TAB2: variants seen among roughly 807,000 people sequenced by gnomAD.
TAB2 encodes TGF-beta activated kinase 1 (MAP3K7) binding protein 2.
A neutral mutation model predicts 65.0 loss-of-function variants in TAB2; 3 were observed. The ratio of observed to expected loss-of-function variants is 0.05; its 90% CI spans 0.02 to 0.12. TAB2 has a LOEUF of 0.12. TAB2 is among the 10% of genes least tolerant of loss of function. TAB2 has a pLI of 1.00. For synonymous variants in TAB2, 298 were observed against 285.1 expected, an observed-to-expected ratio of 1.05 and a Z score of -0.46; for missense variants, 623 against 840.3, an observed-to-expected ratio of 0.74 and a Z score of 3.20.
chr6:149,220,374 G>A lies in TAB2; in HGVS notation c.-121+1598G>A, dbSNP rs533569091. Among the ~76,000 whole-genome samples the A allele has an allele frequency of 8.6e-4, 131 of 152,202 alleles. 1 individual carries two copies. Among genetic ancestry groups the A allele is most frequent in the African/African-American group, 3.0e-3 (125 of 41,526 alleles). On this transcript the variant is annotated intron_variant, in intron 1 of 1. Transcript: ENST00000606202. ...AATTCATTATCAATGAACTTTTCCTGCTCTGTTACTTTAAACTCCATTGGA... is the reference window on the plus strand; with the variant it reads ...AATTCATTATCAATGAACTTTTCCTACTCTGTTACTTTAAACTCCATTGGA...
chr6:149,399,343 T>A (rs1782287004), intron 6 of TAB2, among the ~76,000 whole-genome samples, 159 bp downstream of exon 6: 1 of 152,214 alleles, frequency 6.6e-6, no homozygotes, highest in African/African-American at 2.4e-5. Context: ...ATTTACATGC[T>A]TGGGGTTGGG....
At chr6:149,229,846 G>A (rs1313199884) in intron 1 of TAB2, 3 of 152,346 alleles carry the variant, frequency 2.0e-5, no homozygotes, top group East Asian at 3.9e-4. Flanking sequence ...ATTGAGCAGA[G>A]TGCTGTCGAG....
At chr6:149,278,346 G>A (rs1360438552) in intron 1 of TAB2, among the ~76,000 whole-genome samples, 2 of 152,110 alleles carry the variant, frequency 1.3e-5, no homozygotes, top group Admixed American at 6.6e-5. Flanking sequence ...GTTTTAGGCT[G>A]TAAATATAAA....
At chr6:149,346,439 T>C (rs1040178800) in intron 1 of TAB2, 2 of 142,962 alleles carry the variant, frequency 1.4e-5, no homozygotes, top group African/African-American at 5.2e-5. Flanking sequence ...ATCAGATCAG[T>C]TGGTGAAACT....
At chr6:149,328,663 T>C (rs1020638286) in intron 1 of TAB2, among the ~76,000 whole-genome samples, 3 of 152,198 alleles carry the variant, frequency 2.0e-5, no homozygotes, top group Admixed American at 1.3e-4. Context: ...GCCTGTACTT[T>C]GCTAGGTCAA....
At chr6:149,290,575 G>A (rs1378853443) in intron 1 of TAB2, among the ~76,000 whole-genome samples, 3 of 152,168 alleles carry the variant, frequency 2.0e-5, no homozygotes, top group African/African-American at 7.2e-5. Context: ...TGGGCATGGT[G>A]GCTCACGCCT....
At chr6:149,295,642 G>A (rs994291486) in intron 1 of TAB2, among the ~76,000 whole-genome samples, 4 of 152,106 alleles carry the variant, frequency 2.6e-5, no homozygotes, top group Non-Finnish European at 4.4e-5. Flanking sequence ...TGCCTCTAAT[G>A]TTAAAACTAT....
At chr6:149,348,685 C>T (rs922672087) in intron 1 of TAB2, among the ~76,000 whole-genome samples, 3 of 151,748 alleles carry the variant, frequency 2.0e-5, no homozygotes, top group Admixed American at 6.6e-5. Flanking sequence ...AAGATAAGGC[C>T]GGGCGCAGTG....
Position 149,378,115 on chromosome 6 carries a change from G to A in TAB2, c.200G>A (p.Gly67Glu). Reference sequence around the variant, plus strand: ...GACTTGAATTTTTCAGATGATTCTGGAATTTCTGGTCTACGCAATCACATG... The same window carrying A: ...GACTTGAATTTTTCAGATGATTCTGAAATTTCTGGTCTACGCAATCACATG... ...EGDLNFSDDS[G>E]ISGLRNHMTS... The change falls in exon 3 of 7, where the codon GGA becomes GAA. Residue 67 changes from glycine (G) to glutamate (E), a missense_variant. This residue lies in a region of TAB2 where 550 missense variants were observed against 665.7 expected (regional missense o/e 0.83). Transcript: ENST00000637181. The A allele has an allele frequency of 6.2e-7, 1 of 1,614,110 alleles. No individual in the cohort carries two copies.
At chr6:149,350,235 A>G (rs1285621381) in intron 1 of TAB2, among the ~76,000 whole-genome samples, 1 of 152,060 alleles carries the variant, frequency 6.6e-6, no homozygotes, top group African/African-American at 2.4e-5. Context: ...CCCGGCTGGA[A>G]TTAATATTTC....
chr6:149,227,325 C>T (rs947427175), intron 1 of TAB2, among the ~76,000 whole-genome samples: 1 of 152,148 alleles, frequency 6.6e-6, no homozygotes, highest in Non-Finnish European at 1.5e-5. Flanking sequence ...CTAACTACAA[C>T]CTTCAGAGTC....
At chr6:149,356,285 G>A (rs1199604881) in intron 1 of TAB2, among the ~76,000 whole-genome samples, 2 of 152,166 alleles carry the variant, frequency 1.3e-5, no homozygotes, top group East Asian at 3.8e-4. Flanking sequence ...ACTAAAATTG[G>A]GGGTTAACTG....
chr6:149,334,035 C>T (rs1412887996), intron 1 of TAB2, among the ~76,000 whole-genome samples: 9 of 151,970 alleles, frequency 5.9e-5, no homozygotes. Flanking sequence ...TGACCTAGTG[C>T]CTAGCACTTA....
Position 149,333,950 on chromosome 6 carries a change from C to CT in TAB2, c.-90+15936dup, listed in dbSNP as rs138982767. 4.8e-3 allele frequency among the ~76,000 whole-genome samples: 736 copies of CT among 152,284 alleles called. 8 individuals are homozygous for CT. The highest frequency in any genetic ancestry group is 0.017 in the African/African-American group (686 of 41,552). ...CTAGTAGGACAAACTGTGTAGTTAA[C>CT]TGAGTCTCGTATAGAGGTGCCTGCC... On this transcript the variant is annotated intron_variant, in intron 1 of 6. Coordinates refer to ENST00000637181, the MANE Select transcript of TAB2 (RefSeq NM_001292034.3).
At chr6:149,276,286 G>C (rs1333542732) in intron 1 of TAB2, among the ~76,000 whole-genome samples, 3 of 152,140 alleles carry the variant, frequency 2.0e-5, no homozygotes, top group Non-Finnish European at 2.9e-5. Flanking sequence ...ATAGCTTAGT[G>C]GTAATAATGT....
intron 1 of TAB2, among the ~76,000 whole-genome samples, chr6:149,268,445 T>C (rs1032047203): frequency 2.0e-5 from 3 of 152,182 alleles, no homozygotes; most frequent in African/African-American, 7.2e-5. Flanking sequence ...AATGTTCTAA[T>C]TCTCATCATT....
intron 2 of TAB2, among the ~76,000 whole-genome samples, chr6:149,371,201 ACACCCTTAT>A (rs944986196): frequency 4.1e-4 from 63 of 152,054 alleles, no homozygotes; most frequent in African/African-American, 1.4e-3. Flanking sequence ...CATTTTGTTC[ACACCCTTAT>A]CACCATTATC....
At position 149,408,263 on chromosome 6, in the gene TAB2, C is replaced by T. The variant is rs146894084; in HGVS notation, c.1940-1314C>T. 1.1e-4 allele frequency among the ~76,000 whole-genome samples: 16 copies of T among 152,080 alleles called. No individual in the cohort carries two copies. The East Asian group carries it at 2.5e-3, about 24-fold the overall frequency. On this transcript the variant is annotated intron_variant, in intron 6 of 6. Coordinates refer to ENST00000637181, the MANE Select transcript of TAB2 (RefSeq NM_001292034.3). ...TTTTTACTTAGGATAAGACTTAATT[C>T]GATGTTTGTTTTAAAATTATTCAGT...
At chr6:149,273,794 A>G (rs1299115537) in intron 1 of TAB2, among the ~76,000 whole-genome samples, 1 of 152,230 alleles carries the variant, frequency 6.6e-6, no homozygotes, top group Non-Finnish European at 1.5e-5. Context: ...GGCAGAACAC[A>G]CACCTTCCGT....
Sources: allele counts gnomAD v4.1 joint callset (sites outside exome capture counted in the v4.1 genomes callset), GRCh38; gene constraint gnomAD v4.1.1; regional missense constraint gnomAD v4.1.1; transcripts MANE v1.5; gene names NCBI Gene and HGNC (gene_info 2026-07-23, HGNC 2026-07-21).